Variants in KANK1 observed in about 807,000 individuals in gnomAD.
The protein encoded by KANK1 is KN motif and ankyrin repeat domain-containing protein 1.
KANK1 carries 109 observed loss-of-function variants against 106.2 expected under a neutral mutation model. The ratio of observed to expected loss-of-function variants is 1.03; its 90% confidence interval spans 0.88 to 1.20. The LOEUF (loss-of-function observed/expected upper bound fraction) is 1.20, where lower values mean the gene tolerates loss of function less well. Ranked by LOEUF, KANK1 falls within the 50% of genes most tolerant of loss-of-function variation. The pLI, the probability that KANK1 is intolerant of heterozygous loss-of-function variation, is 0.00. For missense variants in KANK1, 2,399 were observed against 1,710.7 expected (o/e 1.40, Z -7.10); for synonymous variants, 873 against 652.2 (o/e 1.34, Z -5.16).
intron 2 of KANK1, among the ~76,000 whole-genome samples, chr9:690,206 T>C (rs1588938787): frequency 6.9e-6 from 1 of 144,556 alleles, no homozygotes; most frequent in South Asian, 2.2e-4. Context: ...TTTAGGAGAC[T>C]GAGGCAGGAG....
rs146647356 is a variant in KANK1 at position 740,986 on chromosome 9, G to T, written c.3696+52G>T. 190 of 1,595,872 alleles carry T rather than the reference G, an allele frequency of 1.2e-4. 4 individuals are homozygous for T. The African/African-American group carries it at 2.3e-3, about 20-fold the overall frequency. ...GGAATGCACCCGTAACCAGCAGACAGGACTGCGGTGGCCATTCTGGCAGAG... is the reference window on the plus strand; with the variant it reads ...GGAATGCACCCGTAACCAGCAGACATGACTGCGGTGGCCATTCTGGCAGAG... On this transcript the variant is annotated intron_variant, in intron 9 of 11. Coordinates refer to ENST00000382297, the MANE Select transcript of KANK1 (RefSeq NM_015158.5).
At chr9:682,228 C>T (rs536060538) in intron 2 of KANK1, among the ~76,000 whole-genome samples, 6 of 151,030 alleles carry the variant, frequency 4.0e-5, no homozygotes, top group South Asian at 2.1e-4. Flanking sequence ...TGCAGTGTCC[C>T]GACACAGTGC....
intron 1 of KANK1, among the ~76,000 whole-genome samples, chr9:655,664 G>C (rs546016683): frequency 6.6e-6 from 1 of 152,148 alleles, no homozygotes; most frequent in African/African-American, 2.4e-5. Context: ...AGAAAGTGTT[G>C]ACCTATGTAA....
intron 10 of KANK1, among the ~76,000 whole-genome samples, chr9:743,431 A>G (rs188916009): frequency 2.6e-5 from 4 of 152,304 alleles, no homozygotes; most frequent in African/African-American, 9.6e-5. Context: ...TTCTTCCAGA[A>G]GAGTTTGTTA....
intron 1 of KANK1, among the ~76,000 whole-genome samples, chr9:543,246 A>G (rs2060716206): frequency 1.3e-5 from 2 of 152,080 alleles, no homozygotes; most frequent in Non-Finnish European, 2.9e-5. Context: ...ATTTTTCTAT[A>G]CAATGTAATG....
Position 740,787 on chromosome 9 carries a change from T to TTA in KANK1, c.3554-5_3554-4insTA, listed in dbSNP as rs1554721659. On this transcript the variant is annotated splice_region_variant and splice_polypyrimidine_tract_variant and intron_variant, in intron 8 of 11. Transcript: ENST00000382297. ...TAAGAGACTTTTTTTTTTTTTTTTT[T>TTA]ACAGATGTGTGTAATGTGGATCACC... 1.1e-4 allele frequency: 169 copies of TTA among 1,587,900 alleles called. No individual in the cohort carries two copies. Among genetic ancestry groups the TTA allele is most frequent in the African/African-American group, 6.1e-4 (44 of 72,172 alleles).
chr9:482,119 C>T (rs1050739421), intron 3 of KANK1, among the ~76,000 whole-genome samples: 1 of 152,192 alleles, frequency 6.6e-6, no homozygotes, highest in Non-Finnish European at 1.5e-5. Flanking sequence ...GCCCTACCAC[C>T]TGCAGTCAGA....
intron 2 of KANK1, chr9:681,002 C>T (rs1817445958): frequency 1.3e-5 from 2 of 152,424 alleles, no homozygotes; most frequent in South Asian, 4.1e-4. Context: ...TTGCTTGAGG[C>T]CAGGAGTTCA....
chr9:600,767 A>G (rs1827540279), intron 1 of KANK1, among the ~76,000 whole-genome samples: 1 of 151,848 alleles, frequency 6.6e-6, no homozygotes, highest in Non-Finnish European at 1.5e-5. Flanking sequence ...AAGATCTTCT[A>G]CTTGTTGACA....
intron 1 of KANK1, among the ~76,000 whole-genome samples, chr9:630,063 C>T (rs1442526644): frequency 1.3e-5 from 2 of 151,334 alleles, no homozygotes; most frequent in Non-Finnish European, 2.9e-5. Context: ...CCCTGGCCAA[C>T]ATGGCAAAAC....
intron 1 of KANK1, among the ~76,000 whole-genome samples, chr9:551,647 A>T (rs2061289241): frequency 6.6e-6 from 1 of 152,150 alleles, no homozygotes; most frequent in Non-Finnish European, 1.5e-5. Flanking sequence ...CTAGAAATAC[A>T]GCAGTGAACA....
chr9:511,448 G>A (rs1032139657), intron 1 of KANK1, among the ~76,000 whole-genome samples: 4 of 152,054 alleles, frequency 2.6e-5, no homozygotes, highest in African/African-American at 9.7e-5. Context: ...TGTGACCTTT[G>A]GCACAGTTAC....
intron 1 of KANK1, among the ~76,000 whole-genome samples, chr9:556,597 A>C (rs1042751397): frequency 6.6e-6 from 1 of 152,228 alleles, no homozygotes; most frequent in African/African-American, 2.4e-5. Flanking sequence ...CATTGATCCA[A>C]AGTGAGATTT....
intron 10 of KANK1, among the ~76,000 whole-genome samples, chr9:743,290 G>A (rs937289864): frequency 3.3e-5 from 5 of 152,122 alleles, no homozygotes; most frequent in Non-Finnish European, 7.3e-5. Context: ...AAAAACCAGC[G>A]GAGTTTTTCA....
At chr9:579,777 C>A (rs1454913977) in intron 1 of KANK1, among the ~76,000 whole-genome samples, 1 of 152,144 alleles carries the variant, frequency 6.6e-6, no homozygotes, top group African/African-American at 2.4e-5. Context: ...ATTCCGTTCA[C>A]ATGTTGCTGT....
At chr9:744,999 G>A (rs760091216) in intron 11 of KANK1, 174 bp from the exon 12 acceptor site, 1 of 1,498,766 alleles carries the variant, frequency 6.7e-7, no homozygotes, top group South Asian at 1.4e-5. Flanking sequence ...GCACTGCTGA[G>A]CCCAGCTGGC....
In KANK1 at chr9:573,301, G is replaced by A. The variant is rs567894542; in HGVS notation, c.-84+68547G>A. Among the ~76,000 whole-genome samples, 100 of 152,038 alleles carry A rather than the reference G, an allele frequency of 6.6e-4. 1 individual carries two copies. Among genetic ancestry groups the A allele is most frequent in the African/African-American group, 2.0e-3 (83 of 41,464 alleles). ...TATTATTTTTTTGAGACAGAGTCTC[G>A]CTCTGTCACCCAGGCTGGAGTGCAG... is the stretch of plus-strand genomic sequence containing the variant. On this transcript the variant is annotated intron_variant, in intron 1 of 11. Transcript: ENST00000382297.
intron 1 of KANK1, among the ~76,000 whole-genome samples, chr9:641,781 G>A (rs559222996): frequency 6.6e-6 from 1 of 152,218 alleles, no homozygotes; most frequent in Admixed American, 6.5e-5. Flanking sequence ...GTAATGACAA[G>A]GAAATTCATA....
chr9:671,425 C>T (rs112308503), intron 1 of KANK1, among the ~76,000 whole-genome samples: 4,235 of 151,660 alleles, frequency 0.028, 199 homozygotes, highest in African/African-American at 0.096. Context: ...GCATGCAGAT[C>T]ACAAGGTCAG....
Sources: allele counts gnomAD v4.1 joint callset (sites outside exome capture counted in the v4.1 genomes callset), GRCh38; gene constraint gnomAD v4.1.1; transcripts MANE v1.5; gene names NCBI Gene and HGNC (gene_info 2026-07-23, HGNC 2026-07-21).